The following WDPCP variants were observed in gnomAD, a reference collection of about 807,000 sequenced individuals.
WDPCP encodes WD repeat-containing and planar cell polarity effector protein fritz homolog.
A neutral mutation model predicts 93.1 loss-of-function variants in WDPCP; 71 were observed. The observed-to-expected ratio is 0.76, with a 90% confidence interval of 0.63 to 0.93. WDPCP has a LOEUF of 0.93. WDPCP is among the 40% of genes least tolerant of loss of function. The pLI, the probability that WDPCP is intolerant of heterozygous loss-of-function variation, is 0.00. For missense variants in WDPCP, 844 were observed against 887.4 expected (o/e 0.95, Z 0.62); for synonymous variants, 315 against 315.0 (o/e 1.00, Z 0.00).
chr2:63,206,654 T>C (rs982398006), intron 14 of WDPCP, among the ~76,000 whole-genome samples: 1 of 152,114 alleles, frequency 6.6e-6, no homozygotes, highest in African/African-American at 2.4e-5. Flanking sequence ...AGTTTTGCCA[T>C]GTTGCGCAGG....
intron 3 of WDPCP, among the ~76,000 whole-genome samples, chr2:63,595,144 T>C (rs1223006622): frequency 2.0e-5 from 3 of 152,240 alleles, no homozygotes; most frequent in Non-Finnish European, 2.9e-5. Context: ...GAGCAAGCTA[T>C]AGCATGTCAC....
chr2:63,591,080 T>A (rs924645462), upstream of WDPCP: 2 of 152,208 alleles, frequency 1.3e-5, no homozygotes, highest in Admixed American at 1.3e-4. Context: ...ACACTTAAAT[T>A]CAATCTTTAT....
chr2:63,826,090 A>C (rs1395371189), intron 1 of WDPCP, among the ~76,000 whole-genome samples: 1 of 152,194 alleles, frequency 6.6e-6, no homozygotes, highest in Non-Finnish European at 1.5e-5. Flanking sequence ...GCTCAATTCA[A>C]TGCCATTAAA....
chr2:63,811,765 C>T (rs1330176849), intron 2 of WDPCP, among the ~76,000 whole-genome samples: 1 of 152,120 alleles, frequency 6.6e-6, no homozygotes, highest in Non-Finnish European at 1.5e-5. Flanking sequence ...CCTATTCTCC[C>T]TCCCCATTTT....
chr2:63,241,324 G>A (rs1464042696), intron 14 of WDPCP, among the ~76,000 whole-genome samples: 3 of 152,046 alleles, frequency 2.0e-5, no homozygotes, highest in African/African-American at 7.2e-5. Flanking sequence ...TAATAAAGGA[G>A]GAAAGGTGAA....
Position 63,120,134 on chromosome 2 carries a change from C to T in WDPCP, c.*1872G>A, listed in dbSNP as rs1413719228. 6.6e-6 allele frequency among the ~76,000 whole-genome samples: 1 copy of T among 151,688 alleles called. No homozygotes were observed. Among genetic ancestry groups the T allele is most frequent in the Non-Finnish European group, 1.5e-5 (1 of 67,924 alleles). ...GTATTTTGGGTTAATGACTATTTAC[C>T]CGGAAAATCTGGAGAAAATTCTGCA... On this transcript the variant is annotated 3_prime_UTR_variant, in exon 18 of 18. Coordinates refer to ENST00000272321, the MANE Select transcript of WDPCP (RefSeq NM_015910.7).
chr2:63,688,738 C>T (rs1451678904), intron 2 of WDPCP, among the ~76,000 whole-genome samples: 2 of 151,956 alleles, frequency 1.3e-5, no homozygotes, highest in South Asian at 2.1e-4. Flanking sequence ...ATCTCACATA[C>T]CCCATAAATA....
chr2:63,433,639 C>T lies in WDPCP; in HGVS notation c.825+106G>A, dbSNP rs1271252437. On this transcript the variant is annotated intron_variant, in intron 9 of 17. Transcript: ENST00000272321. ...TGATACTTTTTGAATATTTGAAAAA[C>T]ATAAATTATAGGTAAAAAATATTCA... 5.9e-6 allele frequency: 7 copies of T among 1,191,844 alleles called. No individual in the cohort carries two copies. The Admixed American group carries it at 1.5e-4, about 26-fold the overall frequency. 73.8% of individuals were successfully genotyped at this position (1,191,844 alleles called of 1,614,324 possible).
chr2:63,233,296 T>C (rs1271312315), intron 14 of WDPCP: 4 of 246,796 alleles, frequency 1.6e-5, no homozygotes, highest in Non-Finnish European at 2.3e-5. Context: ...TTTTTCTGTA[T>C]ACTATTAAAA....
intron 9 of WDPCP, among the ~76,000 whole-genome samples, chr2:63,417,355 G>A (rs2105322495): frequency 6.6e-6 from 1 of 152,120 alleles, no homozygotes; most frequent in Non-Finnish European, 1.5e-5. Flanking sequence ...GTTGGCATAT[G>A]GTAGTAGCTC....
chr2:63,215,583 G>C (rs947460993), intron 14 of WDPCP, among the ~76,000 whole-genome samples: 4 of 152,298 alleles, frequency 2.6e-5, no homozygotes, highest in Admixed American at 6.5e-5. Flanking sequence ...AGACTTAAAT[G>C]TTAGACCTAA....
At chr2:63,613,824 C>T (rs1709644604) in intron 3 of WDPCP, among the ~76,000 whole-genome samples, 1 of 152,178 alleles carries the variant, frequency 6.6e-6, no homozygotes, top group South Asian at 2.1e-4. Context: ...GAGGTTATCT[C>T]TGGTATTTCC....
At chr2:63,510,906 G>A (rs1702192667) in intron 1 of WDPCP, among the ~76,000 whole-genome samples, 4 of 152,130 alleles carry the variant, frequency 2.6e-5, no homozygotes, top group African/African-American at 9.7e-5. Flanking sequence ...AACCTGAGAG[G>A]TGGAGGTTAC....
Position 63,156,924 on chromosome 2 carries a change from TAGG to T in WDPCP, c.2079-3353_2079-3351del, listed in dbSNP as rs961604964. 7.7e-4 allele frequency among the ~76,000 whole-genome samples: 117 copies of T among 152,266 alleles called. 1 individual carries two copies. The highest frequency in any genetic ancestry group is 2.7e-3 in the African/African-American group (111 of 41,552). ...GACATTTTTACCATGTTTCCAATCT[TAGG>T]AGGAGAACATTCAGTCTTTCTCTAT... On this transcript the variant is annotated intron_variant, in intron 15 of 17. Coordinates refer to ENST00000272321, the MANE Select transcript of WDPCP (RefSeq NM_015910.7).
At chr2:63,521,353 A>G (rs1380996689) in intron 1 of WDPCP, among the ~76,000 whole-genome samples, 1 of 152,214 alleles carries the variant, frequency 6.6e-6, no homozygotes, top group African/African-American at 2.4e-5. Flanking sequence ...AAGTAAAGGG[A>G]TGGAGAAAAA....
Position 63,140,664 on chromosome 2 carries a change from T to C in WDPCP, c.2190+12250A>G, listed in dbSNP as rs146445108. On this transcript the variant is annotated intron_variant, in intron 17 of 17. Transcript: ENST00000272321. ...CTACTGATTTTGTATATTAATCTTG[T>C]ATCCAGAAACTTTGCTGAATTCTTT... 1.1e-4 allele frequency among the ~76,000 whole-genome samples: 17 copies of C among 152,322 alleles called. No homozygotes were observed. The East Asian group carries it at 3.3e-3, about 29-fold the overall frequency.
At chr2:63,682,165 C>T (rs1047387195) in intron 2 of WDPCP, among the ~76,000 whole-genome samples, 1 of 152,242 alleles carries the variant, frequency 6.6e-6, no homozygotes, top group Non-Finnish European at 1.5e-5. Flanking sequence ...TCCAGGAAAA[C>T]ATGACCTCAC....
At chr2:63,634,602 G>A (rs1709902399) in intron 3 of WDPCP, among the ~76,000 whole-genome samples, 2 of 151,916 alleles carry the variant, frequency 1.3e-5, no homozygotes, top group African/African-American at 2.4e-5. Flanking sequence ...CATTCTCCAG[G>A]GTAGATCATA....
intron 1 of WDPCP, among the ~76,000 whole-genome samples, chr2:63,560,084 G>A (rs543416810): frequency 1.2e-4 from 18 of 152,044 alleles, no homozygotes; most frequent in East Asian, 5.8e-4. Context: ...TTAGCCAGGC[G>A]TGGTGTCGCA....
Sources: allele counts gnomAD v4.1 joint callset (sites outside exome capture counted in the v4.1 genomes callset), GRCh38; gene constraint gnomAD v4.1.1; transcripts MANE v1.5; gene names NCBI Gene and HGNC (gene_info 2026-07-23, HGNC 2026-07-21).